Variants in ENOX1 observed in about 807,000 individuals in gnomAD.
ENOX1 encodes candidate growth-related and time keeping constitutive hydroquinone (NADH) oxidase.
In ENOX1, 42 loss-of-function variants were observed where a neutral mutation model predicts 82.5. The ratio of observed to expected loss-of-function variants is 0.51; its 90% CI spans 0.40 to 0.66. ENOX1 has a LOEUF of 0.66. Among genes scored for constraint, ENOX1 ranks in the 30% least tolerant of loss-of-function variants. The pLI is 0.00. For missense variants in ENOX1, 608 were observed against 811.6 expected (o/e 0.75, Z 3.05); for synonymous variants, 271 against 282.2 (o/e 0.96, Z 0.40).
intron 3 of ENOX1, among the ~76,000 whole-genome samples, chr13:43,450,255 A>G (rs1474494307): frequency 6.6e-6 from 1 of 152,160 alleles, no homozygotes; most frequent in Admixed American, 6.5e-5. Flanking sequence ...GGACACCCTC[A>G]CACCTCTCCA....
chr13:43,600,967 C>T (rs932350780), intron 2 of ENOX1, among the ~76,000 whole-genome samples: 2 of 152,170 alleles, frequency 1.3e-5, no homozygotes, highest in African/African-American at 4.8e-5. Context: ...ACAGCTTGGG[C>T]TTGGGTTACC....
chr13:43,599,849 C>T (rs1215370584), intron 2 of ENOX1, among the ~76,000 whole-genome samples: 10 of 151,674 alleles, frequency 6.6e-5, no homozygotes, highest in Admixed American at 6.6e-4. Context: ...GATACTAGCT[C>T]AGCCACAGTA....
chr13:43,271,376 A>G (rs2044672678), intron 12 of ENOX1, among the ~76,000 whole-genome samples: 1 of 152,170 alleles, frequency 6.6e-6, no homozygotes, highest in South Asian at 2.1e-4. Flanking sequence ...CATTCAGGTT[A>G]CAAAATGTAA....
chr13:43,286,811 G>A (rs988724826), intron 12 of ENOX1, among the ~76,000 whole-genome samples: 9 of 152,070 alleles, frequency 5.9e-5, no homozygotes, highest in Non-Finnish European at 1.0e-4. Flanking sequence ...CTTTCCTTTC[G>A]CAGGTTCTTG....
intron 3 of ENOX1, among the ~76,000 whole-genome samples, chr13:43,476,807 C>T (rs1019053723): frequency 4.5e-4 from 68 of 152,206 alleles, no homozygotes; most frequent in African/African-American, 1.5e-3. Flanking sequence ...GCAGAATGTA[C>T]GGAACAGATA....
chr13:43,319,740 C>T (rs1180042198), intron 11 of ENOX1, among the ~76,000 whole-genome samples: 1 of 152,168 alleles, frequency 6.6e-6, no homozygotes, highest in East Asian at 1.9e-4. Context: ...TCCAAGAATT[C>T]CTGGGTCAGC....
At chr13:43,626,721 G>T (rs1258621204) in intron 2 of ENOX1, among the ~76,000 whole-genome samples, 5 of 151,618 alleles carry the variant, frequency 3.3e-5, no homozygotes, top group African/African-American at 9.7e-5. Context: ...TATCTTTTTT[G>T]GGATATAGTC....
At position 43,633,998 on chromosome 13, in the gene ENOX1, C is replaced by T. The variant is rs188129185; in HGVS notation, c.-219+33481G>A. Among the ~76,000 whole-genome samples the T allele has an allele frequency of 6.6e-3, 1,005 of 152,172 alleles. 8 individuals carry two copies. Among genetic ancestry groups the T allele is most frequent in the African/African-American group, 0.023 (972 of 41,526 alleles). On this transcript the variant is annotated intron_variant, in intron 2 of 16. Coordinates refer to ENST00000690772, the MANE Select transcript of ENOX1 (RefSeq NM_001347969.2). ...TTTAAAAACTTAAAAGCAACACCTA[C>T]TTACTATTAATATCACCTTTACCTG...
At chr13:43,414,209 G>A (rs2054309013) in intron 3 of ENOX1, among the ~76,000 whole-genome samples, 1 of 152,078 alleles carries the variant, frequency 6.6e-6, no homozygotes, top group African/African-American at 2.4e-5. Context: ...TGGAAGCTAA[G>A]GGTTCAATTC....
At chr13:43,585,374 T>C (rs2080930509) in intron 2 of ENOX1, among the ~76,000 whole-genome samples, 1 of 152,214 alleles carries the variant, frequency 6.6e-6, no homozygotes, top group African/African-American at 2.4e-5. Flanking sequence ...AATTGTAAGA[T>C]AACATATTTA....
At chr13:43,641,635 A>G (rs2083659142) in intron 2 of ENOX1, among the ~76,000 whole-genome samples, 1 of 129,500 alleles carries the variant, frequency 7.7e-6, no homozygotes, top group Admixed American at 1.0e-4. Flanking sequence ...TCCCAGTTTG[A>G]CACCATTCTC....
chr13:43,677,416 G>T (rs916583421), intron 1 of ENOX1, among the ~76,000 whole-genome samples: 12 of 152,186 alleles, frequency 7.9e-5, no homozygotes, highest in Non-Finnish European at 1.8e-4. Context: ...CGTACAGGTG[G>T]CTCTGAGGCT....
At chr13:43,254,251 A>C (rs186658432) in intron 14 of ENOX1, among the ~76,000 whole-genome samples, 1 of 152,214 alleles carries the variant, frequency 6.6e-6, no homozygotes, top group Non-Finnish European at 1.5e-5. Context: ...AGGTTCGGAC[A>C]TAGAGTTCAC....
intron 5 of ENOX1, among the ~76,000 whole-genome samples, chr13:43,390,426 ATT>A (rs2052703582): frequency 6.6e-6 from 1 of 152,072 alleles, no homozygotes; most frequent in Non-Finnish European, 1.5e-5. Context: ...AGTTTATAAA[ATT>A]TTTGGCAAGT....
chr13:43,464,638 G>C (rs947446764), intron 3 of ENOX1, among the ~76,000 whole-genome samples: 3 of 152,126 alleles, frequency 2.0e-5, no homozygotes, highest in Non-Finnish European at 1.5e-5. Flanking sequence ...ATAATAGAAA[G>C]AGTTCCTACA....
Position 43,475,059 on chromosome 13 carries a change from C to T in ENOX1, c.-75+8950G>A, listed in dbSNP as rs190421423. On this transcript the variant is annotated intron_variant, in intron 3 of 16. Coordinates refer to ENST00000690772, the MANE Select transcript of ENOX1 (RefSeq NM_001347969.2). ...AGTTGATTTTCTAAAGTAAAATCCA[C>T]CAGAAAGAGTTTACACGGTGTTGGA... 1.6e-3 allele frequency among the ~76,000 whole-genome samples: 243 copies of T among 151,750 alleles called. 1 individual carries two copies. Among genetic ancestry groups the T allele is most frequent in the Non-Finnish European group, 5.6e-4 (38 of 67,904 alleles).
intron 1 of ENOX1, among the ~76,000 whole-genome samples, chr13:43,688,146 G>C (rs570059216): frequency 1.3e-5 from 2 of 152,234 alleles, no homozygotes; most frequent in South Asian, 4.2e-4. Context: ...TTTTGGGAGA[G>C]AGACCTGGGT....
intron 2 of ENOX1, among the ~76,000 whole-genome samples, chr13:43,652,957 C>A (rs962130293): frequency 6.6e-6 from 1 of 152,188 alleles, no homozygotes; most frequent in African/African-American, 2.4e-5. Context: ...AAGGTCATGG[C>A]AAAGTCAAGG....
chr13:43,305,992 C>A (rs906042107), intron 11 of ENOX1, among the ~76,000 whole-genome samples: 1 of 152,098 alleles, frequency 6.6e-6, no homozygotes, highest in African/African-American at 2.4e-5. Context: ...CCAGCCCAGC[C>A]GCAGGAAGAG....
Sources: allele counts gnomAD v4.1 joint callset (sites outside exome capture counted in the v4.1 genomes callset), GRCh38; gene constraint gnomAD v4.1.1; transcripts MANE v1.5; gene names NCBI Gene and HGNC (gene_info 2026-07-23, HGNC 2026-07-21).